ZCCHC14: variants seen among roughly 807,000 people sequenced by gnomAD.
The protein encoded by ZCCHC14 is zinc finger CCHC domain-containing protein 14.
A neutral mutation model predicts 85.0 loss-of-function variants in ZCCHC14; 16 were observed. The observed-to-expected ratio is 0.19, with a 90% CI of 0.13 to 0.29. The LOEUF is 0.29. Ranked by LOEUF, ZCCHC14 falls within the 10% of genes least tolerant of loss-of-function variation. ZCCHC14 has a pLI of 1.00. For synonymous variants in ZCCHC14, 775 were observed against 630.7 expected, an observed-to-expected ratio of 1.23 and a Z score of -3.43; for missense variants, 1,303 against 1,443.5, an observed-to-expected ratio of 0.90 and a Z score of 1.58.
At chr16:87,490,153 T>A (rs1912687697) in intron 1 of ZCCHC14, among the ~76,000 whole-genome samples, 1 of 151,876 alleles carries the variant, frequency 6.6e-6, no homozygotes, top group Admixed American at 6.6e-5. Flanking sequence ...AAAATCAATT[T>A]AAAAAAACCG....
At chr16:87,455,086 C>T (rs978025062) in intron 2 of ZCCHC14, among the ~76,000 whole-genome samples, 3 of 152,210 alleles carry the variant, frequency 2.0e-5, no homozygotes, top group Admixed American at 2.0e-4. Context: ...GTCGGGAATT[C>T]AAGACCAGCC....
chr16:87,417,101 C>G (rs141491852), intron 8 of ZCCHC14, among the ~76,000 whole-genome samples: 4 of 152,314 alleles, frequency 2.6e-5, no homozygotes, highest in African/African-American at 7.2e-5. Flanking sequence ...TCTGGCCCGC[C>G]GCAGTGTCTG....
At chr16:87,421,757 G>C (rs1045360759) in intron 4 of ZCCHC14, among the ~76,000 whole-genome samples, 2 of 152,168 alleles carry the variant, frequency 1.3e-5, no homozygotes, top group Admixed American at 6.5e-5. Flanking sequence ...GAGGGTAACA[G>C]AGGCAGCAAG....
chr16:87,437,698 C>G (rs1445415580), intron 2 of ZCCHC14, among the ~76,000 whole-genome samples: 1 of 152,246 alleles, frequency 6.6e-6, no homozygotes, highest in Non-Finnish European at 1.5e-5. Context: ...AACCTTTCTT[C>G]TTTTCTCATT....
chr16:87,446,595 A>C (rs1910449997), intron 2 of ZCCHC14, among the ~76,000 whole-genome samples: 1 of 152,216 alleles, frequency 6.6e-6, no homozygotes. Context: ...TCAGAGTGTC[A>C]GTGGAAATGC....
chr16:87,421,481 T>C (rs572752058), intron 4 of ZCCHC14, among the ~76,000 whole-genome samples: 2 of 152,206 alleles, frequency 1.3e-5, no homozygotes, highest in South Asian at 2.1e-4. Flanking sequence ...GGCAAGGCAC[T>C]GAGGAAGTGC....
intron 3 of ZCCHC14, among the ~76,000 whole-genome samples, chr16:87,427,301 G>A (rs1243193881): frequency 1.3e-5 from 2 of 152,240 alleles, no homozygotes; most frequent in East Asian, 3.8e-4. Context: ...CTGTGCAGGT[G>A]TACACGTGAT....
At chr16:87,466,134 T>TA (rs1567537132) in intron 1 of ZCCHC14, among the ~76,000 whole-genome samples, 1 of 146,282 alleles carries the variant, frequency 6.8e-6, no homozygotes, top group East Asian at 2.1e-4. Flanking sequence ...CGCTTTTTTT[T>TA]AAAAAAAGGT....
At chr16:87,424,051 A>G (rs1261663449) in intron 3 of ZCCHC14, among the ~76,000 whole-genome samples, 170 bp from the exon 4 acceptor site, 1 of 152,194 alleles carries the variant, frequency 6.6e-6, no homozygotes, top group Non-Finnish European at 1.5e-5. Flanking sequence ...CAGAAAGAAG[A>G]GTCACATAGC....
chr16:87,469,636 T>C (rs1470484200), intron 1 of ZCCHC14, among the ~76,000 whole-genome samples: 2 of 152,190 alleles, frequency 1.3e-5, no homozygotes, highest in Non-Finnish European at 2.9e-5. Context: ...GCATTCAAAA[T>C]GTTAGTTGCT....
chr16:87,476,330 G>A (rs1366187286), intron 1 of ZCCHC14, among the ~76,000 whole-genome samples: 1 of 152,156 alleles, frequency 6.6e-6, no homozygotes, highest in Non-Finnish European at 1.5e-5. Context: ...GGGAAAAAAG[G>A]TAAATATGTG....
chr16:87,449,066 G>A lies in ZCCHC14; in HGVS notation c.694+10942C>T, dbSNP rs563004538. 2.7e-4 allele frequency among the ~76,000 whole-genome samples: 41 copies of A among 152,262 alleles called. 2 individuals carry two copies. The East Asian group carries it at 5.4e-3, about 20-fold the overall frequency. On this transcript the variant is annotated intron_variant, in intron 2 of 12. Transcript: ENST00000671377. ...GAGGATGAGGGACGCCTGAGTCAGA[G>A]CCACCCCAGCCACTACGGCCTGAAC...
chr16:87,442,625 T>C (rs913723437), intron 2 of ZCCHC14, among the ~76,000 whole-genome samples: 24 of 152,136 alleles, frequency 1.6e-4, no homozygotes, highest in African/African-American at 4.6e-4. Context: ...AAGTCCCAAA[T>C]TGTGTGAGAG....
chr16:87,472,197 T>G (rs1462974555), intron 1 of ZCCHC14: 1 of 152,114 alleles, frequency 6.6e-6, no homozygotes, highest in East Asian at 1.9e-4. Context: ...GGCCCTACAG[T>G]CAGACCCTCG....
At position 87,459,990 on chromosome 16, in the gene ZCCHC14, A is replaced by T. The variant is rs1911176765; in HGVS notation, c.694+18T>A. 1 of 1,613,750 alleles carries T rather than the reference A, an allele frequency of 6.2e-7. No individual in the cohort carries two copies. Among genetic ancestry groups the T allele is most frequent in the Non-Finnish European group, 8.5e-7 (1 of 1,179,912 alleles). ...TCCGTCCGTCAGACGTCCTCCTGAA[A>T]CCCGTGCGTGCACTCACCTTTGCTG... On this transcript the variant is annotated intron_variant, in intron 2 of 12. Transcript: ENST00000671377.
At chr16:87,460,281 G>T in intron 1 of ZCCHC14, 150 bp from the exon 2 acceptor site, 2 of 1,174,432 alleles carry the variant, frequency 1.7e-6, no homozygotes, top group Non-Finnish European at 2.3e-6. Context: ...CCCCAAGAAA[G>T]ATGAAAATTT....
Position 87,412,374 on chromosome 16 carries a change from G to A in ZCCHC14, c.2347C>T (p.Pro783Ser). 1 of 1,614,196 alleles carries A rather than the reference G, an allele frequency of 6.2e-7. No homozygotes were observed. The highest frequency in any genetic ancestry group is 1.3e-5 in the African/African-American group (1 of 75,058). ...TGCCCAGAAATGGCAGAATCAGCAGGAACAGATGACGACAGCAGCAGTTTG... is the reference window on the plus strand; with the variant it reads ...TGCCCAGAAATGGCAGAATCAGCAGAAACAGATGACGACAGCAGCAGTTTG... ...PIKLLLSSSV[P>S]ADSAISGQTS... Residue 783 changes from proline to serine, a missense_variant, in exon 12 of 13, where the codon CCT (proline) becomes TCT (serine). Physicochemically the swap from Pro to Ser is moderately conservative, Grantham distance 74. Transcript: ENST00000671377.
chr16:87,411,053 G>A (rs1381971228), intron 12 of ZCCHC14, among the ~76,000 whole-genome samples: 2 of 152,236 alleles, frequency 1.3e-5, no homozygotes, highest in African/African-American at 4.8e-5. Context: ...AAACAGGAGG[G>A]AACGGAAGAT....
intron 9 of ZCCHC14, among the ~76,000 whole-genome samples, chr16:87,414,879 G>A (rs960460085): frequency 6.6e-5 from 10 of 152,344 alleles, no homozygotes; most frequent in African/African-American, 2.4e-4. Flanking sequence ...TCCAGAGTTT[G>A]AGATCAGCTT....
Sources: gnomAD v4.1 joint callset for allele counts (sites outside exome capture counted in the v4.1 genomes callset) on GRCh38, gnomAD v4.1.1 for gene constraint, MANE v1.5 for transcripts, NCBI Gene and HGNC (gene_info 2026-07-23, HGNC 2026-07-21) for gene names.